Variants in TBC1D22A observed in about 807,000 individuals in gnomAD.
The protein encoded by TBC1D22A is TBC1 domain family member 22A, also known as putative GTPase activator.
In TBC1D22A, 38 loss-of-function variants were observed where a neutral mutation model predicts 60.2. The ratio of observed to expected loss-of-function variants is 0.63; its 90% CI spans 0.49 to 0.83. The LOEUF is 0.83. TBC1D22A is among the 40% of genes least tolerant of loss of function. The pLI is 0.00. For missense variants in TBC1D22A, 628 were observed against 701.0 expected (o/e 0.90, Z 1.18); for synonymous variants, 302 against 281.7 (o/e 1.07, Z -0.72).
At chr22:47,070,164 G>T (rs1187174867) in intron 11 of TBC1D22A, among the ~76,000 whole-genome samples, 1 of 139,906 alleles carries the variant, frequency 7.1e-6, no homozygotes, top group Non-Finnish European at 1.5e-5. Context: ...GGGCTGACCT[G>T]ACGGTCCTGG....
chr22:46,951,798 T>G (rs777632566), intron 8 of TBC1D22A, among the ~76,000 whole-genome samples: 1 of 152,216 alleles, frequency 6.6e-6, no homozygotes, highest in Non-Finnish European at 1.5e-5. Flanking sequence ...GGAGCTTTGT[T>G]TTGTAGGAAA....
intron 11 of TBC1D22A, among the ~76,000 whole-genome samples, chr22:47,069,341 G>T (rs988316420): frequency 2.0e-5 from 3 of 152,166 alleles, no homozygotes; most frequent in African/African-American, 7.2e-5. Context: ...TGTGAGTGGT[G>T]CAGATGGAAC....
In TBC1D22A at chr22:47,003,813, C is replaced by T. The variant is rs570791725; in HGVS notation, c.1201+6104C>T. On this transcript the variant is annotated intron_variant, in intron 10 of 12. Coordinates refer to ENST00000337137, the MANE Select transcript of TBC1D22A (RefSeq NM_014346.5). ...CACACACATGCCTGTACACACCCTACGCACACATGCCTGTACGCACACACC... is the reference window on the plus strand; with the variant it reads ...CACACACATGCCTGTACACACCCTATGCACACATGCCTGTACGCACACACC... Among the ~76,000 whole-genome samples, 33 of 89,450 alleles carry T rather than the reference C, an allele frequency of 3.7e-4. 1 individual carries two copies. The highest frequency in any genetic ancestry group is 5.3e-3 in the Middle Eastern group (1 of 190). The allele number at this position is 89,450 out of a possible 152,430, so 58.7% of individuals were successfully genotyped here.
rs146083016 is a variant in TBC1D22A at position 46,927,233 on chromosome 22, C to T, written c.1015+15045C>T. ...AGTCCTAACAAACTAAATCTAGCAA[C>T]GTATTGAAAGGATTAGGCATTATTA... is the stretch of plus-strand genomic sequence containing the variant. On this transcript the variant is annotated intron_variant, in intron 8 of 12. Transcript: ENST00000337137. Among the ~76,000 whole-genome samples, 651 of 152,248 alleles carry T rather than the reference C, an allele frequency of 4.3e-3. 4 individuals are homozygous for T. The highest frequency in any genetic ancestry group is 0.014 in the African/African-American group (583 of 41,538).
chr22:47,141,902 T>C (rs961495208), intron 12 of TBC1D22A, among the ~76,000 whole-genome samples: 11 of 152,248 alleles, frequency 7.2e-5, no homozygotes, highest in African/African-American at 2.7e-4. Flanking sequence ...GGCTGGAATT[T>C]CTGTTCTACC....
intron 11 of TBC1D22A, among the ~76,000 whole-genome samples, chr22:47,075,896 C>T (rs2064185616): frequency 6.6e-6 from 1 of 151,954 alleles, no homozygotes; most frequent in East Asian, 1.9e-4. Context: ...GTTGCAATAG[C>T]TACACTGATA....
chr22:46,966,073 A>G (rs1275644648), intron 8 of TBC1D22A, among the ~76,000 whole-genome samples: 1 of 152,062 alleles, frequency 6.6e-6, no homozygotes, highest in Non-Finnish European at 1.5e-5. Context: ...CCGTCCCTCT[A>G]CAGGGAAGTC....
chr22:47,066,893 G>A (rs2063790179), intron 11 of TBC1D22A, among the ~76,000 whole-genome samples: 1 of 152,148 alleles, frequency 6.6e-6, no homozygotes, highest in African/African-American at 2.4e-5. Context: ...AATGGGCCGT[G>A]CCTATTAAAA....
chr22:46,789,924 G>A (rs1268771982), intron 1 of TBC1D22A, among the ~76,000 whole-genome samples: 3 of 152,228 alleles, frequency 2.0e-5, no homozygotes, highest in Non-Finnish European at 2.9e-5. Flanking sequence ...GAAGGGTCAG[G>A]CCTTTCCAAG....
intron 11 of TBC1D22A, among the ~76,000 whole-genome samples, chr22:47,064,848 G>C (rs927510920): frequency 6.6e-6 from 1 of 152,210 alleles, no homozygotes; most frequent in Non-Finnish European, 1.5e-5. Flanking sequence ...AACTCTCCAA[G>C]TGTCTTTAGT....
Position 46,762,655 on chromosome 22 carries a change from A to T in TBC1D22A, c.-132A>T. ...CACAACTTCCGGAAGGAGGCGGAAG[A>T]GCTTCTCGGCTCTAGGCTCTGGAGT... On this transcript the variant is annotated 5_prime_UTR_variant, in exon 1 of 13. Coordinates refer to ENST00000337137, the MANE Select transcript of TBC1D22A (RefSeq NM_014346.5). 1 of 691,362 alleles carries T rather than the reference A, an allele frequency of 1.4e-6. No homozygotes were observed. Among genetic ancestry groups the T allele is most frequent in the East Asian group, 3.4e-5 (1 of 29,064 alleles). The allele number at this position is 691,362 out of a possible 1,614,324, so 42.8% of individuals were successfully genotyped here.
intron 8 of TBC1D22A, among the ~76,000 whole-genome samples, chr22:46,958,077 G>T (rs2073303058): frequency 6.6e-6 from 1 of 152,116 alleles, no homozygotes; most frequent in Non-Finnish European, 1.5e-5. Context: ...GCCTGGATGG[G>T]GTTTCTGCAG....
At chr22:47,071,119 G>A (rs5769349) in intron 11 of TBC1D22A, among the ~76,000 whole-genome samples, 41,546 of 152,140 alleles carry the variant, frequency 0.27, 6,242 homozygotes, top group East Asian at 0.57. Context: ...TCTTTTTAAT[G>A]AGCAACTGAA....
At chr22:46,949,896 G>A (rs1200542765) in intron 8 of TBC1D22A, among the ~76,000 whole-genome samples, 1 of 152,246 alleles carries the variant, frequency 6.6e-6, no homozygotes, top group Non-Finnish European at 1.5e-5. Flanking sequence ...CCTGAGCCGA[G>A]GCTGCTGGGG....
At chr22:47,054,981 G>C (rs115014313) in intron 11 of TBC1D22A, among the ~76,000 whole-genome samples, 2 of 152,210 alleles carry the variant, frequency 1.3e-5, no homozygotes, top group African/African-American at 4.8e-5. Context: ...TCAGAGTCCT[G>C]ACCACCCCTG....
intron 9 of TBC1D22A, among the ~76,000 whole-genome samples, chr22:46,975,653 G>A (rs535242357): frequency 2.6e-5 from 4 of 152,318 alleles, no homozygotes; most frequent in Admixed American, 1.3e-4. Flanking sequence ...TTGCGGTAAA[G>A]GTTGTTCCTG....
At chr22:46,813,576 G>A (rs2085470667) in intron 4 of TBC1D22A, among the ~76,000 whole-genome samples, 1 of 152,196 alleles carries the variant, frequency 6.6e-6, no homozygotes, top group Non-Finnish European at 1.5e-5. Context: ...ACCAGGCGAG[G>A]CACAGGGGAC....
chr22:47,143,140 G>A (rs2067169352), intron 12 of TBC1D22A, among the ~76,000 whole-genome samples: 1 of 152,028 alleles, frequency 6.6e-6, no homozygotes, highest in Admixed American at 6.5e-5. Context: ...TCTCCTGGAA[G>A]CCCCCGTCTC....
chr22:46,811,026 T>C (rs2085354520), intron 4 of TBC1D22A, among the ~76,000 whole-genome samples: 1 of 152,192 alleles, frequency 6.6e-6, no homozygotes, highest in Non-Finnish European at 1.5e-5. Flanking sequence ...TCAGAGTCCA[T>C]CATGCGGCTG....
Sources: gnomAD v4.1 joint callset for allele counts (sites outside exome capture counted in the v4.1 genomes callset) on GRCh38, gnomAD v4.1.1 for gene constraint, MANE v1.5 for transcripts, NCBI Gene and HGNC (gene_info 2026-07-23, HGNC 2026-07-21) for gene names.